The following ZMAT4 variants were observed in gnomAD, a reference collection of about 807,000 sequenced individuals.
ZMAT4 encodes zinc finger matrin-type 4.
Under a neutral mutation model 28.7 loss-of-function variants are expected in ZMAT4, and 17 were observed. That is an observed-to-expected ratio of 0.59 (90% confidence interval 0.41 to 0.89). The LOEUF is 0.89. Among genes scored for constraint, ZMAT4 ranks in the 40% least tolerant of loss-of-function variants. ZMAT4 has a pLI of 0.00. For missense variants in ZMAT4, 240 were observed against 283.8 expected (o/e 0.85, Z 1.11); for synonymous variants, 117 against 109.2 (o/e 1.07, Z -0.44).
At chr8:40,874,219 C>T (rs1041624939) in intron 1 of ZMAT4, among the ~76,000 whole-genome samples, 3 of 152,326 alleles carry the variant, frequency 2.0e-5, no homozygotes, top group African/African-American at 7.2e-5. Flanking sequence ...GCCCAGTGCT[C>T]CTCCAGAGGC....
chr8:40,832,242 G>C (rs868683376), intron 1 of ZMAT4, among the ~76,000 whole-genome samples: 5 of 152,158 alleles, frequency 3.3e-5, no homozygotes, highest in African/African-American at 1.2e-4. Context: ...GAAGAGCCTC[G>C]ACTGTCCAGG....
intron 6 of ZMAT4, among the ~76,000 whole-genome samples, chr8:40,532,542 A>G (rs907397984): frequency 3.9e-5 from 6 of 152,190 alleles, no homozygotes; most frequent in Admixed American, 1.3e-4. Flanking sequence ...ATTTTTATTT[A>G]TGGCATGCTG....
At chr8:40,833,574 T>C (rs1816369365) in intron 1 of ZMAT4, among the ~76,000 whole-genome samples, 1 of 132,738 alleles carries the variant, frequency 7.5e-6, no homozygotes, top group Non-Finnish European at 1.6e-5. Flanking sequence ...GAAATCATCA[T>C]GGTCTTCCAT....
intron 4 of ZMAT4, among the ~76,000 whole-genome samples, chr8:40,691,176 G>C (rs922203685): frequency 1.3e-5 from 2 of 152,150 alleles, no homozygotes; most frequent in Non-Finnish European, 2.9e-5. Flanking sequence ...CTGCTTAAAT[G>C]TGTCTGATTT....
intron 5 of ZMAT4, among the ~76,000 whole-genome samples, chr8:40,583,517 G>C (rs138545067): frequency 4.6e-5 from 7 of 152,288 alleles, no homozygotes; most frequent in Middle Eastern, 3.4e-3. Context: ...TACTTAGCCC[G>C]TATTAAGTAA....
intron 6 of ZMAT4, among the ~76,000 whole-genome samples, chr8:40,580,909 T>C (rs1275323726): frequency 6.6e-6 from 1 of 152,186 alleles, no homozygotes; most frequent in African/African-American, 2.4e-5. Flanking sequence ...TTAGCATAGA[T>C]TTTAATATGT....
intron 1 of ZMAT4, among the ~76,000 whole-genome samples, chr8:40,882,004 C>T (rs1249607536): frequency 6.6e-6 from 1 of 152,136 alleles, no homozygotes; most frequent in South Asian, 2.1e-4. Context: ...ACCCTTTCAC[C>T]CAACATCAAT....
intron 1 of ZMAT4, among the ~76,000 whole-genome samples, chr8:40,847,202 T>TAAAAAAAAA (rs199603252): frequency 1.2e-5 from 1 of 86,430 alleles, no homozygotes. Context: ...AGATTCCATC[T>TAAAAAAAAA]AAAAAAACAA....
intron 1 of ZMAT4, among the ~76,000 whole-genome samples, chr8:40,832,233 A>G (rs959194384): frequency 6.6e-6 from 1 of 152,182 alleles, no homozygotes; most frequent in Non-Finnish European, 1.5e-5. Flanking sequence ...CTGGGGCCTG[A>G]AGAGCCTCGA....
chr8:40,711,564 A>C (rs1810625158), intron 3 of ZMAT4, among the ~76,000 whole-genome samples: 1 of 152,192 alleles, frequency 6.6e-6, no homozygotes, highest in Non-Finnish European at 1.5e-5. Context: ...AATCAGCAAA[A>C]CCTATACTTT....
Position 40,546,891 on chromosome 8 carries a change from T to A in ZMAT4, c.675-14653A>T, listed in dbSNP as rs1803219497. On this transcript the variant is annotated intron_variant, in intron 6 of 6. Transcript: ENST00000297737. ...TCCTCTGAACATAGATTCAGACACATCCCACCACCAGCGCCTGATCTTAGT... is the reference window on the plus strand; with the variant it reads ...TCCTCTGAACATAGATTCAGACACAACCCACCACCAGCGCCTGATCTTAGT... 2.0e-5 allele frequency among the ~76,000 whole-genome samples: 3 copies of A among 152,054 alleles called. 1 individual carries two copies. The highest frequency in any genetic ancestry group is 4.4e-5 in the Non-Finnish European group (3 of 68,014).
chr8:40,623,749 C>T (rs1190502669), intron 5 of ZMAT4, among the ~76,000 whole-genome samples: 2 of 152,170 alleles, frequency 1.3e-5, no homozygotes, highest in Non-Finnish European at 2.9e-5. Context: ...AACCACAGGG[C>T]CCCTGAAAGG....
chr8:40,700,766 A>G (rs1193701991), intron 3 of ZMAT4, among the ~76,000 whole-genome samples: 1 of 152,056 alleles, frequency 6.6e-6, no homozygotes, highest in African/African-American at 2.4e-5. Flanking sequence ...AGAAGTGAGA[A>G]CCAGCCTTTG....
At chr8:40,569,373 C>T (rs1483313720) in intron 6 of ZMAT4, among the ~76,000 whole-genome samples, 1 of 152,186 alleles carries the variant, frequency 6.6e-6, no homozygotes, top group Non-Finnish European at 1.5e-5. Flanking sequence ...ACTCAAAATT[C>T]TACTAAAGTT....
chr8:40,532,448 A>G (rs1467754287), intron 6 of ZMAT4, among the ~76,000 whole-genome samples: 2 of 152,122 alleles, frequency 1.3e-5, no homozygotes, highest in Non-Finnish European at 2.9e-5. Context: ...ATCTCCACAT[A>G]CGTACAAGAA....
intron 2 of ZMAT4, among the ~76,000 whole-genome samples, chr8:40,822,020 G>A (rs565805365): frequency 2.0e-5 from 3 of 152,304 alleles, no homozygotes; most frequent in African/African-American, 7.2e-5. Context: ...CTCTTTTAAA[G>A]TGTAATATGC....
At chr8:40,853,932 G>C (rs1817206976) in intron 1 of ZMAT4, among the ~76,000 whole-genome samples, 1 of 152,160 alleles carries the variant, frequency 6.6e-6, no homozygotes, top group African/African-American at 2.4e-5. Flanking sequence ...GTTTCTGCAG[G>C]CTGTACAGGA....
chr8:40,844,003 T>A (rs1816791151), intron 1 of ZMAT4, among the ~76,000 whole-genome samples: 1 of 152,164 alleles, frequency 6.6e-6, no homozygotes, highest in Non-Finnish European at 1.5e-5. Context: ...TAACTGGAAA[T>A]GGAACAATTC....
At chr8:40,635,272 G>A (rs564527986) in intron 5 of ZMAT4, among the ~76,000 whole-genome samples, 178 of 152,242 alleles carry the variant, frequency 1.2e-3, no homozygotes, top group Non-Finnish European at 2.0e-3. Context: ...CATTGCTTCC[G>A]CTAGGGGCCT....
Sources: gnomAD v4.1 joint callset for allele counts (sites outside exome capture counted in the v4.1 genomes callset) on GRCh38, gnomAD v4.1.1 for gene constraint, MANE v1.5 for transcripts, NCBI Gene and HGNC (gene_info 2026-07-23, HGNC 2026-07-21) for gene names.